AGBL4: variants seen among roughly 807,000 people sequenced by gnomAD.
The protein encoded by AGBL4 is cytosolic carboxypeptidase 6.
In AGBL4, 58 loss-of-function variants were observed where a neutral mutation model predicts 66.4. The ratio of observed to expected loss-of-function variants is 0.87; its 90% CI spans 0.71 to 1.09. The LOEUF (loss-of-function observed/expected upper bound fraction) is 1.09. AGBL4 is among the 50% of genes least tolerant of loss of function. The pLI is 0.00. For missense variants in AGBL4, 579 were observed against 631.0 expected (o/e 0.92, Z 0.88); for synonymous variants, 234 against 222.9 (o/e 1.05, Z -0.44).
At chr1:48,675,150 C>T (rs1385239271) in intron 6 of AGBL4, among the ~76,000 whole-genome samples, 1 of 152,138 alleles carries the variant, frequency 6.6e-6, no homozygotes, top group African/African-American at 2.4e-5. Context: ...AACAGACCCC[C>T]CCGCCACACC....
At chr1:49,367,809 G>C (rs1644268439) in intron 3 of AGBL4, among the ~76,000 whole-genome samples, 1 of 152,124 alleles carries the variant, frequency 6.6e-6, no homozygotes, top group African/African-American at 2.4e-5. Context: ...TACCAATTCA[G>C]TGGCACCTAA....
intron 6 of AGBL4, among the ~76,000 whole-genome samples, chr1:48,687,444 C>T (rs923905129): frequency 7.2e-5 from 11 of 152,124 alleles, no homozygotes; most frequent in African/African-American, 2.7e-4. Flanking sequence ...CTGCGGCACC[C>T]CCACAGGCTG....
At position 49,151,208 on chromosome 1, in the gene AGBL4, G is replaced by T. The variant is rs1289172925; in HGVS notation, c.377+94562C>A. Among the ~76,000 whole-genome samples the T allele has an allele frequency of 5.3e-5, 8 of 150,208 alleles. No homozygotes were observed. The East Asian group carries it at 9.8e-4, about 18-fold the overall frequency. ...GGCATGAACCTGGGAGGCGAAGCTT[G>T]CAGTGAGCCGAGATCGTGCCACTGC... On this transcript the variant is annotated intron_variant, in intron 4 of 13. Transcript: ENST00000371839.
At chr1:48,677,295 T>C (rs1323806940) in intron 6 of AGBL4, among the ~76,000 whole-genome samples, 2 of 152,210 alleles carry the variant, frequency 1.3e-5, no homozygotes, top group South Asian at 2.1e-4. Context: ...GCAAGTAGAT[T>C]GGATTTGTAA....
intron 5 of AGBL4, among the ~76,000 whole-genome samples, chr1:48,882,536 T>C (rs1234972501): frequency 2.0e-5 from 3 of 152,168 alleles, no homozygotes; most frequent in African/African-American, 7.2e-5. Flanking sequence ...ATATTAAGAA[T>C]ATATCTTGAA....
intron 1 of AGBL4, chr1:49,994,756 C>A: frequency 4.5e-6 from 1 of 220,718 alleles, no homozygotes; most frequent in South Asian, 6.8e-5. Flanking sequence ...ATCTACAGAC[C>A]CTTTGAAGGA....
intron 5 of AGBL4, among the ~76,000 whole-genome samples, chr1:48,879,358 CTT>C (rs1649539309): frequency 6.6e-6 from 1 of 151,986 alleles, no homozygotes; most frequent in Non-Finnish European, 1.5e-5. Context: ...AAAGATGTCT[CTT>C]TCTTTCCTTT....
intron 2 of AGBL4, among the ~76,000 whole-genome samples, chr1:49,839,179 A>G (rs1645927068): frequency 6.6e-6 from 1 of 152,252 alleles, no homozygotes; most frequent in Non-Finnish European, 1.5e-5. Context: ...ATACCAGTAG[A>G]TACATAACTG....
intron 3 of AGBL4, among the ~76,000 whole-genome samples, chr1:49,556,942 C>T (rs1328110980): frequency 1.3e-5 from 2 of 152,122 alleles, no homozygotes; most frequent in East Asian, 1.9e-4. Context: ...GATGCTGGCC[C>T]AGGTGCTAAG....
rs574313731 is a variant in AGBL4 at position 48,598,376 on chromosome 1, G to A, written c.952-7391C>T. ...CATCATTGTGTGACCATCATAGAGT[G>A]TACTTACACTAACCTAGATGCTATA... is the stretch of plus-strand genomic sequence containing the variant. On this transcript the variant is annotated intron_variant, in intron 9 of 13. Coordinates refer to ENST00000371839, the MANE Select transcript of AGBL4 (RefSeq NM_032785.4). 4.6e-5 allele frequency among the ~76,000 whole-genome samples: 7 copies of A among 152,224 alleles called. No homozygotes were observed. In the South Asian group the frequency reaches 1.5e-3, roughly 32 times the overall value.
chr1:48,641,833 A>C (rs1194221528), intron 8 of AGBL4, among the ~76,000 whole-genome samples: 1 of 152,172 alleles, frequency 6.6e-6, no homozygotes, highest in African/African-American at 2.4e-5. Context: ...CTGTCTTAGC[A>C]GTCCTAGGAG....
chr1:49,389,948 C>T (rs1380815034), intron 3 of AGBL4, among the ~76,000 whole-genome samples: 1 of 152,160 alleles, frequency 6.6e-6, no homozygotes, highest in Non-Finnish European at 1.5e-5. Context: ...AGTAGACTAA[C>T]CAAGGAGAAA....
chr1:49,996,867 A>G (rs1660404230), intron 1 of AGBL4, among the ~76,000 whole-genome samples: 1 of 152,210 alleles, frequency 6.6e-6, no homozygotes, highest in Admixed American at 6.5e-5. Context: ...CAGATTTTTC[A>G]GCAAAAACAC....
chr1:49,531,959 G>A (rs1570962757), intron 3 of AGBL4, among the ~76,000 whole-genome samples: 1 of 152,140 alleles, frequency 6.6e-6, no homozygotes, highest in South Asian at 2.1e-4. Context: ...ATGGGAAAAG[G>A]TATATACAAT....
At chr1:48,756,260 A>C (rs1330042573) in intron 6 of AGBL4, among the ~76,000 whole-genome samples, 2 of 152,226 alleles carry the variant, frequency 1.3e-5, no homozygotes, top group Non-Finnish European at 2.9e-5. Context: ...CTTCAGCCTA[A>C]AAGTTGTTTC....
chr1:49,195,390 T>G (rs1413324053), intron 4 of AGBL4, among the ~76,000 whole-genome samples: 1 of 152,200 alleles, frequency 6.6e-6, no homozygotes, highest in Admixed American at 6.5e-5. Context: ...AGAATTGACT[T>G]TATTCCTCCC....
chr1:49,472,554 A>C (rs1646766240), intron 3 of AGBL4, among the ~76,000 whole-genome samples: 1 of 152,044 alleles, frequency 6.6e-6, no homozygotes, highest in Admixed American at 6.6e-5. Context: ...TAAAAATAGA[A>C]ATACCAGATT....
chr1:49,293,004 T>G (rs953406152), intron 3 of AGBL4, among the ~76,000 whole-genome samples: 2 of 152,214 alleles, frequency 1.3e-5, no homozygotes, highest in Non-Finnish European at 2.9e-5. Context: ...AGAAAAGAGC[T>G]GCGGCCCTTT....
At chr1:49,165,969 A>G (rs1646626860) in intron 4 of AGBL4, among the ~76,000 whole-genome samples, 1 of 152,104 alleles carries the variant, frequency 6.6e-6, no homozygotes, top group South Asian at 2.1e-4. Flanking sequence ...AATGAAAAAT[A>G]AGGAAGAGGG....
Sources: gnomAD v4.1 joint callset for allele counts (sites outside exome capture counted in the v4.1 genomes callset) on GRCh38, gnomAD v4.1.1 for gene constraint, MANE v1.5 for transcripts, NCBI Gene and HGNC (gene_info 2026-07-23, HGNC 2026-07-21) for gene names.